Variants in OSBP2 observed in about 807,000 individuals in gnomAD.
OSBP2 encodes the protein oxysterol binding protein 2, also known as oxysterol-binding protein 2.
In OSBP2, 66 loss-of-function variants were observed where a neutral mutation model predicts 96.0. That is an observed-to-expected ratio of 0.69 (90% CI 0.56 to 0.84). OSBP2 has a LOEUF of 0.84. Ranked by LOEUF, OSBP2 falls within the 40% of genes least tolerant of loss-of-function variation. The probability of loss-of-function intolerance (pLI) is 0.00; values close to 1 mark genes in which losing one functional copy is unlikely to be tolerated. For missense variants in OSBP2, 1,038 were observed against 1,222.7 expected (o/e 0.85, Z 2.25); for synonymous variants, 525 against 520.9 (o/e 1.01, Z -0.11).
rs1254181239 is a variant in OSBP2 at position 30,870,824 on chromosome 22, C to G, written c.1107+142C>G. ...GGTGTTTCCCAAAGCCAGCGCCCCC[C>G]AGCTAGCTTCCGAGTTCTTAAATCA... On this transcript the variant is annotated intron_variant, in intron 3 of 13. Coordinates refer to ENST00000332585, the MANE Select transcript of OSBP2 (RefSeq NM_030758.4). The surrounding 1 kb of genome is among the most constrained non-coding windows in gnomAD (Gnocchi z 4.1). 13 of 825,090 alleles carry G rather than the reference C, an allele frequency of 1.6e-5. No homozygotes were observed. Among genetic ancestry groups the G allele is most frequent in the Non-Finnish European group, 2.4e-5 (13 of 536,262 alleles). The allele number at this position is 825,090 out of a possible 1,614,324, so 51.1% of individuals were successfully genotyped here.
chr22:30,772,588 A>G (rs554303046), intron 2 of OSBP2, among the ~76,000 whole-genome samples: 77 of 152,264 alleles, frequency 5.1e-4, no homozygotes, highest in African/African-American at 1.8e-3. Context: ...TACCTGTCCT[A>G]GGAGCAGCCC....
At chr22:30,734,518 C>T (rs2089823484) in intron 1 of OSBP2, among the ~76,000 whole-genome samples, 1 of 152,152 alleles carries the variant, frequency 6.6e-6, no homozygotes, top group Non-Finnish European at 1.5e-5. Context: ...GCTTAACCTT[C>T]ATAGAGAGGG....
intron 3 of OSBP2, among the ~76,000 whole-genome samples, chr22:30,876,805 C>CTG (rs1426558329): frequency 1.3e-5 from 2 of 152,190 alleles, no homozygotes; most frequent in African/African-American, 4.8e-5. Flanking sequence ...GAGACCAAGG[C>CTG]TGAGGGGCTC....
intron 2 of OSBP2, among the ~76,000 whole-genome samples, chr22:30,768,309 T>C (rs988603182): frequency 2.0e-5 from 3 of 152,172 alleles, no homozygotes; most frequent in Non-Finnish European, 2.9e-5. Context: ...GTAGGCGTTA[T>C]GTAATACGCC....
chr22:30,730,716 G>GTCTCTCTCTC lies in OSBP2; in HGVS notation c.645-10395_645-10386dup, dbSNP rs1191165719. On this transcript the variant is annotated intron_variant, in intron 1 of 13. Coordinates refer to ENST00000332585, the MANE Select transcript of OSBP2 (RefSeq NM_030758.4). ...CATCTGGATTCAGATTCGCTGCCCT[G>GTCTCTCTCTC]TCTCTCTCTCTCTCTCTCTCTCTCT... Among the ~76,000 whole-genome samples the GTCTCTCTCTC allele has an allele frequency of 1.8e-3, 35 of 19,960 alleles. 1 individual carries two copies. Among genetic ancestry groups the GTCTCTCTCTC allele is most frequent in the African/African-American group, 2.3e-3 (11 of 4,722 alleles). The allele number at this position is 19,960 out of a possible 152,430, so 13.1% of individuals were successfully genotyped here.
chr22:30,865,550 T>C (rs1429919841), intron 2 of OSBP2, among the ~76,000 whole-genome samples: 1 of 139,562 alleles, frequency 7.2e-6, no homozygotes, highest in Non-Finnish European at 1.5e-5. Flanking sequence ...GAGAATTGCA[T>C]GAACCCAGGA....
intron 1 of OSBP2, among the ~76,000 whole-genome samples, chr22:30,735,792 G>T (rs1267597582): frequency 1.3e-5 from 2 of 151,790 alleles, no homozygotes; most frequent in East Asian, 1.9e-4. Flanking sequence ...GCATGATCTC[G>T]TCTCACTGCA....
chr22:30,859,302 A>G (rs2039157291), intron 2 of OSBP2, among the ~76,000 whole-genome samples: 2 of 152,182 alleles, frequency 1.3e-5, no homozygotes, highest in Admixed American at 6.5e-5. Context: ...GTGGGTCACC[A>G]AATACTCACC....
At chr22:30,780,330 C>T (rs1208711506) in intron 2 of OSBP2, among the ~76,000 whole-genome samples, 1 of 152,198 alleles carries the variant, frequency 6.6e-6, no homozygotes, top group African/African-American at 2.4e-5. Flanking sequence ...ATCCATGCCA[C>T]AGCTGCTGAG....
intron 2 of OSBP2, among the ~76,000 whole-genome samples, chr22:30,837,279 G>T (rs199578179): frequency 4.2e-5 from 6 of 143,892 alleles, no homozygotes; most frequent in Non-Finnish European, 7.7e-5. Context: ...AAAAAAAAAA[G>T]AAAGAAAGTT....
At chr22:30,823,579 C>G (rs1216970638) in intron 2 of OSBP2, among the ~76,000 whole-genome samples, 1 of 152,242 alleles carries the variant, frequency 6.6e-6, no homozygotes, top group South Asian at 2.1e-4. Context: ...TGCCTGCTTA[C>G]TGGTTATGCT....
intron 3 of OSBP2, among the ~76,000 whole-genome samples, chr22:30,873,507 G>A (rs2039505401): frequency 6.6e-6 from 1 of 152,128 alleles, no homozygotes; most frequent in Non-Finnish European, 1.5e-5. Flanking sequence ...GTCCCCAGAA[G>A]GTAGAAATCA....
intron 2 of OSBP2, among the ~76,000 whole-genome samples, chr22:30,776,094 A>G (rs1196309734): frequency 6.9e-6 from 1 of 145,558 alleles, no homozygotes; most frequent in Non-Finnish European, 1.5e-5. Flanking sequence ...CTGTGCCCAG[A>G]CTCATTTTTC....
At position 30,890,749 on chromosome 22, in the gene OSBP2, T is replaced by A; in HGVS notation, c.1645T>A (p.Ser549Thr). ...ACAGGTGAACTTCAATGAGCCCCTG[T>A]CCATGCTCCAGCGGCTGACAGAGGA... ...PMPVNFNEPL[S>T]MLQRLTEDLE... Residue 549 changes from serine (S) to threonine (T), a missense_variant, in exon 8 of 14, where the codon TCC becomes ACC. Physicochemically the swap from Ser to Thr is moderately conservative, Grantham distance 58 (BLOSUM62 1). This residue lies in a region of OSBP2 where 737 missense variants were observed against 913.3 expected (regional missense o/e 0.81). Coordinates refer to ENST00000332585, the MANE Select transcript of OSBP2 (RefSeq NM_030758.4). The surrounding 1 kb of genome is among the most constrained non-coding windows in gnomAD (Gnocchi z 4.4). The A allele has an allele frequency of 6.2e-7, 1 of 1,612,942 alleles. No homozygotes were observed. Among genetic ancestry groups the A allele is most frequent in the Non-Finnish European group, 8.5e-7 (1 of 1,179,970 alleles).
At chr22:30,705,582 C>T (rs947853944) in intron 1 of OSBP2, among the ~76,000 whole-genome samples, 5 of 152,042 alleles carry the variant, frequency 3.3e-5, no homozygotes, top group African/African-American at 1.2e-4. Context: ...GGTGAGCTAC[C>T]GCGTCTGGCC....
At chr22:30,699,672 G>A (rs1050384734) in intron 1 of OSBP2, among the ~76,000 whole-genome samples, 5 of 152,218 alleles carry the variant, frequency 3.3e-5, no homozygotes, top group African/African-American at 4.8e-5. Context: ...TAGCAGAAGA[G>A]TGGGGGTTTG....
chr22:30,740,018 G>A (rs1005924863), intron 1 of OSBP2, among the ~76,000 whole-genome samples: 3 of 152,094 alleles, frequency 2.0e-5, no homozygotes, highest in Admixed American at 6.6e-5. Flanking sequence ...GCTAATTTTT[G>A]TATTTTTAGT....
chr22:30,893,024 G>T, intron 8 of OSBP2, 98 bp from the exon 9 acceptor site: 1 of 1,484,600 alleles, frequency 6.7e-7, no homozygotes, highest in African/African-American at 1.4e-5. Context: ...ACAGAGCTGT[G>T]CCTGCTGAGG....
chr22:30,744,496 G>C (rs945664504), intron 2 of OSBP2, among the ~76,000 whole-genome samples: 1 of 152,104 alleles, frequency 6.6e-6, no homozygotes, highest in Non-Finnish European at 1.5e-5. Flanking sequence ...CTACTCCCCA[G>C]CTCTTTTGCC....
Sources: gnomAD v4.1 joint callset for allele counts (sites outside exome capture counted in the v4.1 genomes callset) on GRCh38, gnomAD v4.1.1 for gene constraint, gnomAD v4.1.1 regional missense constraint, Gnocchi (gnomAD v3.1) non-coding constraint, MANE v1.5 for transcripts, NCBI Gene and HGNC (gene_info 2026-07-23, HGNC 2026-07-21) for gene names.